The following PALM2AKAP2 variants were observed in gnomAD, a reference collection of about 807,000 sequenced individuals.
PALM2AKAP2 encodes PALM2 and AKAP2 fusion.
PALM2AKAP2 carries 37 observed loss-of-function variants against 71.5 expected under a neutral mutation model. That is an observed-to-expected ratio of 0.52 (90% confidence interval 0.40 to 0.68). PALM2AKAP2 has a LOEUF of 0.68. Ranked by LOEUF, PALM2AKAP2 falls within the 30% of genes least tolerant of loss-of-function variation. PALM2AKAP2 has a pLI of 0.00. For synonymous variants in PALM2AKAP2, 468 were observed against 478.8 expected, an observed-to-expected ratio of 0.98 and a Z score of 0.29; for missense variants, 1,224 against 1,191.8, an observed-to-expected ratio of 1.03 and a Z score of -0.40.
intron 1 of PALM2AKAP2, among the ~76,000 whole-genome samples, chr9:109,789,127 G>A (rs572688433): frequency 1.3e-5 from 2 of 152,162 alleles, no homozygotes; most frequent in African/African-American, 2.4e-5. Flanking sequence ...GAAACTATGG[G>A]CTACAAAATT....
At chr9:109,667,316 C>T (rs572658498) in intron 1 of PALM2AKAP2, among the ~76,000 whole-genome samples, 1 of 152,214 alleles carries the variant, frequency 6.6e-6, no homozygotes, top group Admixed American at 6.5e-5. Flanking sequence ...CCAGAGATGA[C>T]CTGAACGAGT....
intron 7 of PALM2AKAP2, among the ~76,000 whole-genome samples, chr9:110,016,852 G>A (rs901320516): frequency 6.6e-6 from 1 of 152,158 alleles, no homozygotes; most frequent in Admixed American, 6.5e-5. Flanking sequence ...AAGAAGTAAT[G>A]TCTTATTTTA....
chr9:110,145,457 A>G (rs984903212), intron 2 of PALM2AKAP2, among the ~76,000 whole-genome samples: 1 of 152,178 alleles, frequency 6.6e-6, no homozygotes, highest in Non-Finnish European at 1.5e-5. Context: ...AGAACTGGGT[A>G]CTCAAGCAAG....
intron 1 of PALM2AKAP2, among the ~76,000 whole-genome samples, chr9:109,848,377 C>T (rs183715749): frequency 5.6e-4 from 86 of 152,310 alleles, no homozygotes; most frequent in Non-Finnish European, 7.1e-4. Context: ...AAGATGTTTC[C>T]TGTGCTGCGT....
Position 110,133,152 on chromosome 9 carries a change from G to A in PALM2AKAP2, c.157-2975G>A, listed in dbSNP as rs536129275. Among the ~76,000 whole-genome samples, 72 of 152,278 alleles carry A rather than the reference G, an allele frequency of 4.7e-4. 1 individual carries two copies. The highest frequency in any genetic ancestry group is 4.1e-3 in the South Asian group (20 of 4,826). On this transcript the variant is annotated intron_variant, in intron 1 of 3. Coordinates refer to ENST00000374525, the Ensembl canonical transcript of PALM2AKAP2. ...AATTTTTGAATCCTAAAAAGAAAAC[G>A]TGGAAAGTCATCTGCTCATTCATCA...
At chr9:110,092,722 T>C (rs981381148) in intron 1 of PALM2AKAP2, among the ~76,000 whole-genome samples, 3 of 152,128 alleles carry the variant, frequency 2.0e-5, no homozygotes, top group African/African-American at 7.2e-5. Flanking sequence ...ATCTAGAAAT[T>C]CAAACGATGT....
chr9:110,003,824 C>G (rs1051116163), intron 6 of PALM2AKAP2, among the ~76,000 whole-genome samples: 1 of 152,110 alleles, frequency 6.6e-6, no homozygotes, highest in South Asian at 2.1e-4. Context: ...GGTTTAAAGT[C>G]TGTTTTATCA....
intron 1 of PALM2AKAP2, among the ~76,000 whole-genome samples, chr9:109,782,321 A>G (rs1826826721): frequency 6.6e-6 from 1 of 152,176 alleles, no homozygotes; most frequent in Non-Finnish European, 1.5e-5. Flanking sequence ...TGTCCTGTGT[A>G]TCTGGGGAGC....
In PALM2AKAP2 at chr9:109,826,373, A is replaced by G. The variant is rs576018577; in HGVS notation, c.46-41118A>G. Among the ~76,000 whole-genome samples the G allele has an allele frequency of 8.7e-4, 132 of 152,266 alleles. 1 individual carries two copies. The highest frequency in any genetic ancestry group is 7.7e-3 in the South Asian group (37 of 4,830). On this transcript the variant is annotated intron_variant, in intron 1 of 9. Coordinates refer to the PALM2AKAP2 transcript ENST00000302798. ...AAAACTTAAAGTATAATAAAAATAA[A>G]TAAATAAATAAATAAAATACAGTTT...
chr9:110,010,453 T>A lies in PALM2AKAP2; in HGVS notation c.497-5501T>A, dbSNP rs894351032. ...GAATATACAATTAATATACATACTA[T>A]ATATATAATATGTATTATACATACT... On this transcript the variant is annotated intron_variant, in intron 6 of 9. Coordinates refer to the PALM2AKAP2 transcript ENST00000302798. Among the ~76,000 whole-genome samples the A allele has an allele frequency of 2.0e-5, 3 of 148,128 alleles. No individual in the cohort carries two copies. In the East Asian group the frequency reaches 5.8e-4, roughly 29 times the overall value.
At chr9:109,992,729 G>A (rs763641909) in intron 6 of PALM2AKAP2, among the ~76,000 whole-genome samples, 8 of 152,034 alleles carry the variant, frequency 5.3e-5, no homozygotes, top group Non-Finnish European at 1.0e-4. Flanking sequence ...GCGCTAAAGA[G>A]AGAATGCAAC....
intron 1 of PALM2AKAP2, among the ~76,000 whole-genome samples, chr9:110,109,265 C>T (rs1835184378): frequency 7.2e-6 from 1 of 139,414 alleles, no homozygotes; most frequent in Non-Finnish European, 1.5e-5. Flanking sequence ...TGCGGTGAGC[C>T]GAGATCTCGC....
intron 6 of PALM2AKAP2, among the ~76,000 whole-genome samples, chr9:109,970,937 G>A (rs758178292): frequency 1.3e-4 from 20 of 152,126 alleles, no homozygotes; most frequent in Non-Finnish European, 2.5e-4. Context: ...GGGAGACCCT[G>A]TGTCTACAAA....
chr9:109,821,897 A>C (rs1189496037), intron 1 of PALM2AKAP2, among the ~76,000 whole-genome samples: 1 of 152,242 alleles, frequency 6.6e-6, no homozygotes, highest in Non-Finnish European at 1.5e-5. Flanking sequence ...TATAATAAGC[A>C]CTTTGGGACC....
chr9:110,036,001 G>A (rs543150888), intron 7 of PALM2AKAP2, among the ~76,000 whole-genome samples: 180 of 152,004 alleles, frequency 1.2e-3, no homozygotes, highest in African/African-American at 4.0e-3. Flanking sequence ...AAGTGCAGTG[G>A]CGTGATCTCA....
At chr9:110,127,608 A>T (rs1835639313) in intron 1 of PALM2AKAP2, 1 of 152,176 alleles carries the variant, frequency 6.6e-6, no homozygotes, top group Non-Finnish European at 1.5e-5. Context: ...CCCTCGCAGC[A>T]AGCAGTTCCC....
At chr9:109,982,654 C>A (rs1351185194) in intron 6 of PALM2AKAP2, among the ~76,000 whole-genome samples, 1 of 152,180 alleles carries the variant, frequency 6.6e-6, no homozygotes, top group African/African-American at 2.4e-5. Context: ...GAGACAGGGT[C>A]TCATTCTGTC....
intron 6 of PALM2AKAP2, among the ~76,000 whole-genome samples, chr9:110,008,814 G>A (rs187690196): frequency 3.7e-4 from 56 of 152,172 alleles, no homozygotes; most frequent in African/African-American, 1.3e-3. Context: ...TGGTAGAGGG[G>A]CAGGGTCATG....
At chr9:109,800,135 G>A (rs141086150) in intron 1 of PALM2AKAP2, among the ~76,000 whole-genome samples, 282 of 152,310 alleles carry the variant, frequency 1.9e-3, no homozygotes, top group African/African-American at 6.4e-3. Flanking sequence ...CACCTCCCAT[G>A]TGCCAGTATA....
Sources: allele counts gnomAD v4.1 joint callset (sites outside exome capture counted in the v4.1 genomes callset), GRCh38; gene constraint gnomAD v4.1.1; transcripts MANE v1.5; gene names NCBI Gene and HGNC (gene_info 2026-07-23, HGNC 2026-07-21).